The following PRDM1 variants were observed in gnomAD, a reference collection of about 807,000 sequenced individuals.
The protein encoded by PRDM1 is PR/SET domain 1.
A neutral mutation model predicts 62.8 loss-of-function variants in PRDM1; 13 were observed. The observed-to-expected ratio is 0.21, with a 90% confidence interval of 0.13 to 0.33. The LOEUF (loss-of-function observed/expected upper bound fraction) is 0.33. PRDM1 is among the 10% of genes least tolerant of loss of function. The pLI is 1.00. For synonymous variants in PRDM1, 396 were observed against 417.6 expected (o/e 0.95, Z 0.63); for missense variants, 895 against 1,058.8 (o/e 0.85, Z 2.15).
intron 1 of PRDM1, among the ~76,000 whole-genome samples, chr6:106,069,469 A>G (rs1398058618): frequency 6.6e-6 from 1 of 152,220 alleles, no homozygotes; most frequent in East Asian, 1.9e-4. Flanking sequence ...CAACAGCAAT[A>G]GATACCTGGA....
chr6:106,095,093 A>C (rs1265380835), intron 2 of PRDM1, among the ~76,000 whole-genome samples: 1 of 152,088 alleles, frequency 6.6e-6, no homozygotes, highest in African/African-American at 2.4e-5. Flanking sequence ...GAATGAAAAA[A>C]ACATAATGCA....
intron 1 of PRDM1, among the ~76,000 whole-genome samples, chr6:106,036,714 CT>C (rs531566154): frequency 5.4e-4 from 82 of 152,194 alleles, no homozygotes; most frequent in Middle Eastern, 6.8e-3. Flanking sequence ...AATCCCAGCA[CT>C]TTGGGAGGCT....
At chr6:106,104,712 G>T (rs1774390634) in intron 4 of PRDM1, 113 bp from the exon 5 acceptor site, 1 of 1,328,258 alleles carries the variant, frequency 7.5e-7, no homozygotes, top group African/African-American at 1.5e-5. Context: ...GATATGTGGC[G>T]ATTGTGTCGC....
intron 1 of PRDM1, among the ~76,000 whole-genome samples, chr6:106,077,436 G>A (rs1773621518): frequency 6.6e-6 from 1 of 152,164 alleles, no homozygotes. Context: ...GGAGCCCAAG[G>A]CTCCCTGTTT....
At chr6:106,005,321 A>C (rs907253123) in intron 1 of PRDM1, among the ~76,000 whole-genome samples, 6 of 152,324 alleles carry the variant, frequency 3.9e-5, no homozygotes, top group East Asian at 3.9e-4. Context: ...GTCTCTACTA[A>C]ATAGTTGTCT....
chr6:106,028,164 CAT>C (rs752341662), intron 1 of PRDM1, among the ~76,000 whole-genome samples: 10 of 152,166 alleles, frequency 6.6e-5, no homozygotes, highest in Non-Finnish European at 5.9e-5. Context: ...GCCATTTCAG[CAT>C]ATGTTTCTTT....
rs188556016 is a variant in PRDM1, at chr6:106,032,318, C to A, written c.-67+38679C>A. ...GGACTAGAGGTGTGCACCACCACAC[C>A]CAGCTAATTTTTTTTTTTTTTCTTT... On this transcript the variant is annotated intron_variant, in intron 1 of 6. Transcript: ENST00000652320. Among the ~76,000 whole-genome samples the A allele has an allele frequency of 1.2e-3, 163 of 139,668 alleles. 1 individual carries two copies. Among genetic ancestry groups the A allele is most frequent in the African/African-American group, 4.2e-3 (160 of 37,824 alleles). The allele number at this position is 139,668 out of a possible 152,430, so 91.6% of individuals were successfully genotyped here. A position where few individuals can be genotyped will look rare whatever the true frequency, so the allele number is the denominator to read the frequency against.
chr6:106,041,809 C>CT (rs537352355), intron 1 of PRDM1, among the ~76,000 whole-genome samples: 2,347 of 129,832 alleles, frequency 0.018, 65 homozygotes, highest in African/African-American at 0.048. Flanking sequence ...GTATTTCTTT[C>CT]TTTTTTTTTT....
chr6:106,034,890 C>T (rs1401955742), intron 1 of PRDM1, among the ~76,000 whole-genome samples: 2 of 152,138 alleles, frequency 1.3e-5, no homozygotes, highest in Non-Finnish European at 2.9e-5. Flanking sequence ...CCTTAGCCTC[C>T]CAAAGTGCTG....
chr6:106,084,571 C>T (rs4946722), upstream of PRDM1, among the ~76,000 whole-genome samples: 16 of 152,142 alleles, frequency 1.1e-4, no homozygotes, highest in African/African-American at 3.9e-4. Context: ...GAGTTTGATT[C>T]TAAAAGGGAA....
chr6:106,098,280 G>A (rs958801534), intron 3 of PRDM1: 2 of 985,182 alleles, frequency 2.0e-6, no homozygotes, highest in Non-Finnish European at 2.4e-6. Context: ...CTAAAAAGAG[G>A]GGAAGAGAGA....
chr6:105,996,051 T>C (rs1378100234), intron 1 of PRDM1, among the ~76,000 whole-genome samples: 1 of 152,218 alleles, frequency 6.6e-6, no homozygotes, highest in South Asian at 2.1e-4. Context: ...TCTTAGAAAT[T>C]CTACTTTAAA....
At position 106,109,494 on chromosome 6, in the gene PRDM1, C is replaced by A. The variant is rs181894034; in HGVS notation, c.*2008C>A. On this transcript the variant is annotated 3_prime_UTR_variant, in exon 7 of 7. Coordinates refer to ENST00000369096, the MANE Select transcript of PRDM1 (RefSeq NM_001198.4). ...TAGAAGAGAACAAATTTCGAATAAT[C>A]CAGGGAAACCCAAGAGCCTTACTGG... 115 of 233,624 alleles carry A rather than the reference C, an allele frequency of 4.9e-4. No homozygotes were observed. Among genetic ancestry groups the A allele is most frequent in the African/African-American group, 2.1e-3 (95 of 45,450 alleles). The allele number at this position is 233,624 out of a possible 1,614,324, so 14.5% of individuals were successfully genotyped here. A position where few individuals can be genotyped will look rare whatever the true frequency, so the allele number is the denominator to read the frequency against.
rs1480305002 is a variant in PRDM1 at position 106,107,423 on chromosome 6, C to G, written c.2415C>G (p.Ser805Arg). Residue 805 changes from serine (S) to arginine (R), a missense_variant, in exon 7 of 7, where the codon AGC becomes AGG. Ser to Arg is a moderately radical substitution (Grantham distance 110). Coordinates refer to ENST00000369096, the MANE Select transcript of PRDM1 (RefSeq NM_001198.4). ...SDLPLMKLPP[S>R]NPLPLVPVKV... Reference sequence around the variant, plus strand: ...TACCCCTCATGAAGTTGCCTCCCAGCAACCCACTACCTCTGGTACCTGTAA... The same window carrying G: ...TACCCCTCATGAAGTTGCCTCCCAGGAACCCACTACCTCTGGTACCTGTAA... The G allele has an allele frequency of 6.2e-7, 1 of 1,614,024 alleles. No individual in the cohort carries two copies. The highest frequency in any genetic ancestry group is 2.2e-5 in the East Asian group (1 of 44,906).
At chr6:105,997,655 G>C (rs1042512396) in intron 1 of PRDM1, among the ~76,000 whole-genome samples, 3 of 152,204 alleles carry the variant, frequency 2.0e-5, no homozygotes, top group African/African-American at 7.2e-5. Context: ...AGGGAAGTAG[G>C]TTGGAGGGGT....
chr6:106,014,074 T>TA (rs1256031841), intron 1 of PRDM1, among the ~76,000 whole-genome samples: 1 of 148,498 alleles, frequency 6.7e-6, no homozygotes, highest in African/African-American at 2.5e-5. Flanking sequence ...TTTTTTTTTT[T>TA]TTTTTTTGAG....
upstream of PRDM1, among the ~76,000 whole-genome samples, chr6:106,085,065 TA>T (rs1773766214): frequency 6.6e-6 from 1 of 151,092 alleles, no homozygotes; most frequent in South Asian, 2.1e-4. Flanking sequence ...TAAACAGACA[TA>T]TTTTTTAGGA....
intron 1 of PRDM1, among the ~76,000 whole-genome samples, chr6:106,074,772 C>T (rs1463390619): frequency 6.6e-6 from 1 of 152,134 alleles, no homozygotes; most frequent in African/African-American, 2.4e-5. Flanking sequence ...GCCAGGAGTT[C>T]AAGACCAGCC....
chr6:106,101,589 A>T (rs1774275162), intron 4 of PRDM1, among the ~76,000 whole-genome samples: 1 of 152,266 alleles, frequency 6.6e-6, no homozygotes, highest in Non-Finnish European at 1.5e-5. Flanking sequence ...AGTTAACAAT[A>T]ACCAGTCACA....
Sources: gnomAD v4.1 joint callset for allele counts (sites outside exome capture counted in the v4.1 genomes callset) on GRCh38, gnomAD v4.1.1 for gene constraint, MANE v1.5 for transcripts, NCBI Gene and HGNC (gene_info 2026-07-23, HGNC 2026-07-21) for gene names.